CHD6: variants seen among roughly 807,000 people sequenced by gnomAD.
CHD6 encodes ATP-dependent chromatin remodeler CHD6.
Under a neutral mutation model 276.9 loss-of-function variants are expected in CHD6, and 50 were observed. The observed-to-expected ratio is 0.18, with a 90% CI of 0.14 to 0.23. The LOEUF (loss-of-function observed/expected upper bound fraction) is 0.23, where lower values mean the gene tolerates loss of function less well. Among genes scored for constraint, CHD6 ranks in the 10% least tolerant of loss-of-function variants. The probability of loss-of-function intolerance (pLI) is 1.00; values close to 1 mark genes in which losing one functional copy is unlikely to be tolerated. For synonymous variants in CHD6, 1,173 were observed against 1,229.3 expected (o/e 0.95, Z 0.96); for missense variants, 2,564 against 3,365.8 (o/e 0.76, Z 5.89).
intron 2 of CHD6, among the ~76,000 whole-genome samples, chr20:41,536,546 CA>C (rs968751049): frequency 6.6e-6 from 1 of 152,128 alleles, no homozygotes; most frequent in African/African-American, 2.4e-5. Context: ...ACTTGAAAGT[CA>C]AAATAGATTC....
intron 31 of CHD6, 79 bp from the exon 32 acceptor site, chr20:41,417,428 T>C (rs2047036920): frequency 1.6e-6 from 2 of 1,276,956 alleles, no homozygotes; most frequent in African/African-American, 3.0e-5. Flanking sequence ...TAGGATATCC[T>C]CTTTTCCTTT....
At chr20:41,589,583 CAGAG>C (rs1483545395) in intron 1 of CHD6, among the ~76,000 whole-genome samples, 7 of 152,156 alleles carry the variant, frequency 4.6e-5, no homozygotes, top group Non-Finnish European at 1.5e-5. Context: ...AACAGGCAAA[CAGAG>C]AGCCAAATTA....
chr20:41,434,721 G>A (rs1219884172), intron 27 of CHD6, among the ~76,000 whole-genome samples: 1 of 152,150 alleles, frequency 6.6e-6, no homozygotes, highest in East Asian at 1.9e-4. Context: ...CAAAATATAT[G>A]AAGCAAAAAC....
intron 1 of CHD6, among the ~76,000 whole-genome samples, chr20:41,612,787 A>C (rs2045899662): frequency 6.6e-6 from 1 of 152,178 alleles, no homozygotes. Flanking sequence ...CAAACCAAAT[A>C]ATCAAGTCAA....
At chr20:41,557,935 C>T (rs1408932466) in intron 1 of CHD6, among the ~76,000 whole-genome samples, 1 of 152,144 alleles carries the variant, frequency 6.6e-6, no homozygotes, top group African/African-American at 2.4e-5. Flanking sequence ...ACCACTCTAA[C>T]AACAGCAGGC....
chr20:41,527,589 T>C (rs2044573537), intron 3 of CHD6, among the ~76,000 whole-genome samples: 1 of 152,216 alleles, frequency 6.6e-6, no homozygotes, highest in South Asian at 2.1e-4. Flanking sequence ...TCATCTTTCC[T>C]GCTCACTCGG....
intron 5 of CHD6, among the ~76,000 whole-genome samples, chr20:41,511,300 T>C (rs539298498): frequency 6.6e-6 from 1 of 152,222 alleles, no homozygotes; most frequent in South Asian, 2.1e-4. Context: ...AGTGACTCCA[T>C]AACAACAGAC....
intron 1 of CHD6, among the ~76,000 whole-genome samples, chr20:41,586,332 C>T (rs940034514): frequency 4.2e-4 from 64 of 152,232 alleles, no homozygotes; most frequent in African/African-American, 1.4e-3. Flanking sequence ...TCTGATCCAG[C>T]GAGGTGCCCA....
At chr20:41,405,515 G>A in intron 36 of CHD6, 26 bp from the exon 37 acceptor site, 1 of 1,525,674 alleles carries the variant, frequency 6.6e-7, no homozygotes, top group South Asian at 1.3e-5. Flanking sequence ...AACACAAAAT[G>A]CTGAAGGCAA....
chr20:41,523,364 G>C (rs1239971279), intron 3 of CHD6, among the ~76,000 whole-genome samples: 1 of 151,772 alleles, frequency 6.6e-6, no homozygotes, highest in South Asian at 2.1e-4. Flanking sequence ...AAACTAACTT[G>C]CAAGGAAAAA....
intron 16 of CHD6, among the ~76,000 whole-genome samples, chr20:41,478,468 CA>C (rs757322365): frequency 3.9e-5 from 6 of 152,148 alleles, no homozygotes; most frequent in Non-Finnish European, 7.4e-5. Flanking sequence ...GGGGAGGCCA[CA>C]ATTATGGTGG....
chr20:41,452,920 G>C lies in CHD6; in HGVS notation c.3143C>G (p.Pro1048Arg). The C allele has an allele frequency of 6.2e-7, 1 of 1,613,796 alleles. No individual in the cohort carries two copies. The highest frequency in any genetic ancestry group is 8.5e-7 in the Non-Finnish European group (1 of 1,179,934). ...GTGTTTGGTCTGCTTTCTCACGCGA[G>C]GTCGGTCGATCACTAAGCTTTCCTA... ...NEKESLVIDR[P>R]RVRKQTKHYN... Residue 1048 changes from proline to arginine, a missense_variant, in exon 21 of 37, where the codon CCT becomes CGT. Transcript: ENST00000373233. The surrounding 1 kb of genome is among the most constrained non-coding windows in gnomAD (Gnocchi z 4.2).
At position 41,405,121 on chromosome 20, in the gene CHD6, T is replaced by G; in HGVS notation, c.7620A>C (p.Pro2540=). 1 of 1,614,176 alleles carries G rather than the reference T, an allele frequency of 6.2e-7. No individual in the cohort carries two copies. Among genetic ancestry groups the G allele is most frequent in the Non-Finnish European group, 8.5e-7 (1 of 1,180,022 alleles). The stretch of plus-strand genomic sequence containing the variant: ...TGGAAGTGCAGGTGGTTGCCATGGG[T>G]GGACTGAGGAGTCCCCCAACACCAA... ...QMFGVGGLLS[P]PMATTCTSTA... Residue 2540 remains proline (P), a synonymous_variant, in exon 37 of 37, where the codon CCA becomes CCC. Transcript: ENST00000373233.
At chr20:41,587,928 C>T (rs546076792) in intron 1 of CHD6, among the ~76,000 whole-genome samples, 12 of 151,992 alleles carry the variant, frequency 7.9e-5, no homozygotes, top group South Asian at 2.1e-4. Context: ...TAGGAGTAAA[C>T]GCTGAGAAGT....
intron 1 of CHD6, among the ~76,000 whole-genome samples, chr20:41,617,531 C>T (rs1333187781): frequency 6.6e-6 from 1 of 152,226 alleles, no homozygotes; most frequent in Admixed American, 6.5e-5. Context: ...CTCTGCACAT[C>T]CGATAGGCAT....
chr20:41,558,025 T>A (rs1459045161), intron 1 of CHD6, among the ~76,000 whole-genome samples: 2 of 152,106 alleles, frequency 1.3e-5, no homozygotes, highest in African/African-American at 4.8e-5. Flanking sequence ...AGTGAGATAA[T>A]CAAGAAAGCA....
In CHD6 at chr20:41,404,455, A is replaced by C. The variant is rs1321828904; in HGVS notation, c.*138T>G. ...TGCAACTATTAACATCTGTTACCAT[A>C]GTTCTCAGACAGGAAATCAGGTACG... On this transcript the variant is annotated 3_prime_UTR_variant, in exon 37 of 37. Transcript: ENST00000373233. 2 of 1,361,216 alleles carry C rather than the reference A, an allele frequency of 1.5e-6. No homozygotes were observed. Among genetic ancestry groups the C allele is most frequent in the African/African-American group, 1.5e-5 (1 of 68,926 alleles). The allele number at this position is 1,361,216 out of a possible 1,614,324, so 84.3% of individuals were successfully genotyped here. A position where few individuals can be genotyped will look rare whatever the true frequency, so the allele number is the denominator to read the frequency against.
chr20:41,522,800 T>C (rs2044436333), intron 3 of CHD6, among the ~76,000 whole-genome samples: 2 of 152,336 alleles, frequency 1.3e-5, no homozygotes, highest in East Asian at 3.9e-4. Flanking sequence ...GCATCTTTTC[T>C]TCTGACAACC....
intron 22 of CHD6, 49 bp from the exon 23 acceptor site, chr20:41,451,154 T>C (rs1273468156): frequency 6.5e-7 from 1 of 1,545,460 alleles, no homozygotes; most frequent in Admixed American, 1.7e-5. Flanking sequence ...AGGGGGGTGT[T>C]ACACACGGGT....
Sources: allele counts gnomAD v4.1 joint callset (sites outside exome capture counted in the v4.1 genomes callset), GRCh38; gene constraint gnomAD v4.1.1; non-coding constraint Gnocchi (gnomAD v3.1); transcripts MANE v1.5; gene names NCBI Gene and HGNC (gene_info 2026-07-23, HGNC 2026-07-21).